HECA: variants seen among roughly 807,000 people sequenced by gnomAD.
HECA encodes HECA ribonucleoprotein granule regulator, also known as headcase protein homolog.
A neutral mutation model predicts 37.6 loss-of-function variants in HECA; 13 were observed. The ratio of observed to expected loss-of-function variants is 0.35; its 90% confidence interval spans 0.23 to 0.55. The LOEUF is 0.55. HECA is among the 20% of genes least tolerant of loss of function. The pLI is 0.90. For synonymous variants in HECA, 307 were observed against 291.5 expected, an observed-to-expected ratio of 1.05 and a Z score of -0.54; for missense variants, 527 against 701.9, an observed-to-expected ratio of 0.75 and a Z score of 2.82.
chr6:139,167,103 T>G lies in HECA; in HGVS notation c.1091T>G (p.Phe364Cys). The change falls in exon 2 of 4, where the codon TTC (phenylalanine) becomes TGC (cysteine). Residue 364 changes from phenylalanine (F) to cysteine (C), a missense_variant. This residue lies in a region of HECA where 228 missense variants were observed against 259.8 expected (regional missense o/e 0.88). Transcript: ENST00000367658. ...ATCCCCAGGCATAAGCTGAACACTT[T>G]CCACGTGCGCATGGAAGACGATGCC... The part of the protein sequence containing the change: ...THIPRHKLNT[F>C]HVRMEDDAQV... 6.2e-7 allele frequency: 1 copy of G among 1,614,192 alleles called. No individual in the cohort carries two copies. The highest frequency in any genetic ancestry group is 8.5e-7 in the Non-Finnish European group (1 of 1,180,028).
chr6:139,168,075 C>T (rs902487394), intron 2 of HECA, among the ~76,000 whole-genome samples: 3 of 152,184 alleles, frequency 2.0e-5, no homozygotes, highest in Admixed American at 1.3e-4. Context: ...CCACCTGTCT[C>T]CTTCCCACCA....
Position 139,149,693 on chromosome 6 carries a change from G to C in HECA, c.271+14026G>C, listed in dbSNP as rs3822902. Among the ~76,000 whole-genome samples, 215 of 152,318 alleles carry C rather than the reference G, an allele frequency of 1.4e-3. 1 individual carries two copies. In the East Asian group the frequency reaches 0.037, roughly 26 times the overall value. On this transcript the variant is annotated intron_variant, in intron 1 of 3. Coordinates refer to ENST00000367658, the MANE Select transcript of HECA (RefSeq NM_016217.3). ...TCTTGCTGTGCAAATTTTGCCCAGA[G>C]AATCTGTAGTATTCATTCTCCTGCC...
intron 1 of HECA, among the ~76,000 whole-genome samples, chr6:139,138,681 G>T (rs767935166): frequency 6.6e-6 from 1 of 152,178 alleles, no homozygotes; most frequent in Non-Finnish European, 1.5e-5. Flanking sequence ...GGAAGCCGCG[G>T]TATAGTTGTG....
At chr6:139,149,677 G>A (rs553258245) in intron 1 of HECA, among the ~76,000 whole-genome samples, 1 of 152,292 alleles carries the variant, frequency 6.6e-6, no homozygotes, top group South Asian at 2.1e-4. Flanking sequence ...CTCTTGCTGT[G>A]CAAATTTTGC....
At position 139,167,027 on chromosome 6, in the gene HECA, AC is replaced by A; in HGVS notation, c.1020del (p.Val341CysfsTer21). 1 of 1,613,738 alleles carries A rather than the reference AC, an allele frequency of 6.2e-7. No homozygotes were observed. Among genetic ancestry groups the A allele is most frequent in the Non-Finnish European group, 8.5e-7 (1 of 1,179,902 alleles). ...AGTTCACAGGGGGGGACACTTCGAC[AC>A]CCCCGTGCAGTTCCTTCGGCGGCTG... ...LAVHRGGHFD[T>X]PVQFLRRLDL... is the part of the protein sequence containing the mutation. On this transcript the variant is annotated frameshift_variant, in exon 2 of 4. Transcript: ENST00000367658. LOFTEE classifies it high-confidence loss of function.
chr6:139,166,420 G>C lies in HECA; in HGVS notation c.408G>C (p.Glu136Asp), dbSNP rs768203657. Residue 136 changes from glutamate (E) to aspartate (D), a missense_variant, in exon 2 of 4, where the codon GAG becomes GAC. Coordinates refer to ENST00000367658, the MANE Select transcript of HECA (RefSeq NM_016217.3). ...GGATGCACCTGCAGTGCTTCTACGAGTGGGAGAGCAGCATCCTCGTCCAGT... is the reference window on the plus strand; with the variant it reads ...GGATGCACCTGCAGTGCTTCTACGACTGGGAGAGCAGCATCCTCGTCCAGT... Reference protein sequence around the residue: ...STWMHLQCFYEWESSILVQFN... With the variant: ...STWMHLQCFYDWESSILVQFN... The C allele has an allele frequency of 6.2e-7, 1 of 1,614,260 alleles. No individual in the cohort carries two copies. Among genetic ancestry groups the C allele is most frequent in the Non-Finnish European group, 8.5e-7 (1 of 1,180,050 alleles).
At chr6:139,156,672 A>G (rs1405625650) in intron 1 of HECA, among the ~76,000 whole-genome samples, 1 of 152,258 alleles carries the variant, frequency 6.6e-6, no homozygotes, top group Non-Finnish European at 1.5e-5. Flanking sequence ...TAATGCTGAT[A>G]GAATTAAAAA....
intron 1 of HECA, among the ~76,000 whole-genome samples, chr6:139,146,983 G>A (rs1277066244): frequency 6.6e-6 from 1 of 152,202 alleles, no homozygotes; most frequent in East Asian, 1.9e-4. Context: ...AGGAGAAGCA[G>A]CCATTCCTAG....
intron 3 of HECA, 149 bp downstream of exon 3, chr6:139,174,688 A>G: frequency 1.7e-6 from 2 of 1,164,306 alleles, no homozygotes; most frequent in Admixed American, 6.1e-5. Context: ...ATTTAGTGGA[A>G]TACTATTCAG....
chr6:139,142,188 A>G (rs1774522726), intron 1 of HECA, among the ~76,000 whole-genome samples: 1 of 151,928 alleles, frequency 6.6e-6, no homozygotes, highest in African/African-American at 2.4e-5. Flanking sequence ...GACCTCCCAA[A>G]GTGCTGGGAT....
In HECA at chr6:139,179,670, A is replaced by G. The variant is rs1226196965; in HGVS notation, c.*2565A>G. ...AATAAAATATAATCGAATATTCAAC[A>G]CCATGAAGATAAATCTTATTTTGGA... On this transcript the variant is annotated 3_prime_UTR_variant, in exon 4 of 4. Transcript: ENST00000367658. 6.6e-6 allele frequency: 1 copy of G among 152,226 alleles called. No homozygotes were observed. Among genetic ancestry groups the G allele is most frequent in the African/African-American group, 2.4e-5 (1 of 41,450 alleles). 9.4% of individuals were successfully genotyped at this position (152,226 alleles called of 1,614,324 possible). A position where few individuals can be genotyped will look rare whatever the true frequency, so the allele number is the denominator to read the frequency against.
chr6:139,150,611 A>C (rs1774639034), intron 1 of HECA, among the ~76,000 whole-genome samples: 1 of 151,772 alleles, frequency 6.6e-6, no homozygotes, highest in Non-Finnish European at 1.5e-5. Context: ...TATATGTTGA[A>C]TATAATCATA....
At chr6:139,169,091 C>G (rs527698997) in intron 2 of HECA, among the ~76,000 whole-genome samples, 174 of 152,244 alleles carry the variant, frequency 1.1e-3, no homozygotes, top group African/African-American at 4.1e-3. Flanking sequence ...TCTCTTGGCC[C>G]TTTGGCTCTA....
In HECA at chr6:139,147,200, A is replaced by G. The variant is rs185685127; in HGVS notation, c.271+11533A>G. 1.6e-4 allele frequency among the ~76,000 whole-genome samples: 25 copies of G among 152,332 alleles called. No homozygotes were observed. The East Asian group carries it at 4.8e-3, about 29-fold the overall frequency. On this transcript the variant is annotated intron_variant, in intron 1 of 3. Transcript: ENST00000367658. ...TTGGAATCTTGTTGATGTTGGGTCC[A>G]TCTTGACTCACACACATACGTACAT... is the stretch of plus-strand genomic sequence containing the variant.
chr6:139,150,167 T>C (rs1774634139), intron 1 of HECA, among the ~76,000 whole-genome samples: 1 of 152,358 alleles, frequency 6.6e-6, no homozygotes, highest in South Asian at 2.1e-4. Flanking sequence ...GTTTCCTTAC[T>C]TCCCTTTTAG....
intron 1 of HECA, among the ~76,000 whole-genome samples, chr6:139,146,077 C>G (rs1459947688): frequency 6.6e-6 from 1 of 152,128 alleles, no homozygotes; most frequent in African/African-American, 2.4e-5. Context: ...CTACCAAGAA[C>G]AATTACAGAT....
intron 2 of HECA, among the ~76,000 whole-genome samples, chr6:139,171,229 G>T (rs867027938): frequency 6.6e-6 from 1 of 151,240 alleles, no homozygotes; most frequent in African/African-American, 2.4e-5. Flanking sequence ...AGGAAGAAAA[G>T]AGAAAAAAAA....
rs2114500848 is a variant in HECA, at chr6:139,177,161, T to G, written c.*56T>G. 1 of 720,526 alleles carries G rather than the reference T, an allele frequency of 1.4e-6. No individual in the cohort carries two copies. Among genetic ancestry groups the G allele is most frequent in the Non-Finnish European group, 2.4e-6 (1 of 416,116 alleles). 44.6% of individuals were successfully genotyped at this position (720,526 alleles called of 1,614,324 possible). A position where few individuals can be genotyped will look rare whatever the true frequency, so the allele number is the denominator to read the frequency against. ...ATTGATATTATTACTTTATTACATA[T>G]CTTTTATAGGGAAACATTCTGTGAC... On this transcript the variant is annotated 3_prime_UTR_variant, in exon 4 of 4. Transcript: ENST00000367658. The surrounding 1 kb of genome is among the most constrained non-coding windows in gnomAD (Gnocchi z 4.9).
Position 139,176,245 on chromosome 6 carries a change from C to T in HECA, c.1468-696C>T, listed in dbSNP as rs1014234084. Among the ~76,000 whole-genome samples, 4 of 152,218 alleles carry T rather than the reference C, an allele frequency of 2.6e-5. No individual in the cohort carries two copies. Among genetic ancestry groups the T allele is most frequent in the African/African-American group, 7.2e-5 (3 of 41,462 alleles). On this transcript the variant is annotated intron_variant, in intron 3 of 3. Coordinates refer to ENST00000367658, the MANE Select transcript of HECA (RefSeq NM_016217.3). The surrounding 1 kb of genome is among the most constrained non-coding windows in gnomAD (Gnocchi z 4.5). ...GCATGGTGCTTTATCACATGTGCCT[C>T]AGTTGCATTATCTAAAAGTCAGCTA... is the stretch of plus-strand genomic sequence containing the variant.
Sources: gnomAD v4.1 joint callset for allele counts (sites outside exome capture counted in the v4.1 genomes callset) on GRCh38, gnomAD v4.1.1 for gene constraint, gnomAD v4.1.1 regional missense constraint, Gnocchi (gnomAD v3.1) non-coding constraint, MANE v1.5 for transcripts, NCBI Gene and HGNC (gene_info 2026-07-23, HGNC 2026-07-21) for gene names.